SLC44A1: variants seen among roughly 807,000 people sequenced by gnomAD.
SLC44A1 encodes solute carrier family 44 member 1.
Under a neutral mutation model 79.3 loss-of-function variants are expected in SLC44A1, and 26 were observed. The ratio of observed to expected loss-of-function variants is 0.33; its 90% CI spans 0.24 to 0.46. The LOEUF is 0.46. Among genes scored for constraint, SLC44A1 ranks in the 20% least tolerant of loss-of-function variants. The pLI, the probability that SLC44A1 is intolerant of heterozygous loss-of-function variation, is 1.00. For missense variants in SLC44A1, 688 were observed against 798.1 expected (o/e 0.86, Z 1.66); for synonymous variants, 263 against 286.2 (o/e 0.92, Z 0.82).
intron 1 of SLC44A1, among the ~76,000 whole-genome samples, chr9:105,286,375 C>A (rs1830478384): frequency 6.6e-6 from 1 of 152,126 alleles, no homozygotes; most frequent in Admixed American, 6.5e-5. Context: ...GTTTCCTCAT[C>A]AGTAAAATGG....
At chr9:105,333,498 A>T (rs937963716) in intron 3 of SLC44A1, among the ~76,000 whole-genome samples, 4 of 152,128 alleles carry the variant, frequency 2.6e-5, no homozygotes, top group African/African-American at 9.7e-5. Context: ...TATCATTTTT[A>T]AAAGTCTTTA....
intron 15 of SLC44A1, among the ~76,000 whole-genome samples, chr9:105,422,459 T>C (rs535878196): frequency 6.6e-6 from 1 of 152,082 alleles, no homozygotes; most frequent in Admixed American, 6.5e-5. Context: ...TAGCTAATTT[T>C]TGTATTTTTA....
intron 5 of SLC44A1, among the ~76,000 whole-genome samples, chr9:105,351,531 TGAAAGAAA>T (rs752503504): frequency 1.4e-3 from 77 of 55,342 alleles, no homozygotes; most frequent in East Asian, 6.0e-3. Flanking sequence ...AGACCCTGTC[TGAAAGAAA>T]GAAAGAAAGA....
In SLC44A1 at chr9:105,261,884, A is replaced by G. The variant is rs1829849325; in HGVS notation, c.36+16980A>G. 2.0e-5 allele frequency among the ~76,000 whole-genome samples: 3 copies of G among 146,498 alleles called. No homozygotes were observed. In the Admixed American group the frequency reaches 2.1e-4, roughly 10 times the overall value. On this transcript the variant is annotated intron_variant, in intron 1 of 15. Coordinates refer to ENST00000374720, the MANE Select transcript of SLC44A1 (RefSeq NM_080546.5). ...AGCCTCTGCCTCCCAGGTTCAAGTGATTCTCCTATCTCAGCCTCCCAAGTA... is the reference window on the plus strand; with the variant it reads ...AGCCTCTGCCTCCCAGGTTCAAGTGGTTCTCCTATCTCAGCCTCCCAAGTA...
At chr9:105,351,586 AAGAG>A (rs1274235414) in intron 5 of SLC44A1, among the ~76,000 whole-genome samples, 1 of 107,482 alleles carries the variant, frequency 9.3e-6, no homozygotes, top group Non-Finnish European at 1.9e-5. Context: ...GAAAGAGAGA[AAGAG>A]AGAAAGAGAA....
At chr9:105,347,884 A>C (rs1827288591) in intron 4 of SLC44A1, among the ~76,000 whole-genome samples, 1 of 152,112 alleles carries the variant, frequency 6.6e-6, no homozygotes, top group African/African-American at 2.4e-5. Flanking sequence ...TAGGAAAAAC[A>C]GGCATAATGT....
At chr9:105,245,150 C>T (rs994870728) in intron 1 of SLC44A1, among the ~76,000 whole-genome samples, 6 of 151,940 alleles carry the variant, frequency 3.9e-5, no homozygotes, top group African/African-American at 1.2e-4. Flanking sequence ...TCTTCCCGGC[C>T]CCTTCCCCAG....
At position 105,244,752 on chromosome 9, in the gene SLC44A1, G is replaced by A; in HGVS notation, c.-117G>A. ...AGCCGCCGCTGCAGCCGCCGCCGCC[G>A]CCTAGCCGTGCGGTGCCAGGCCGCG... On this transcript the variant is annotated 5_prime_UTR_variant, in exon 1 of 16. Coordinates refer to ENST00000374720, the MANE Select transcript of SLC44A1 (RefSeq NM_080546.5). 2.1e-6 allele frequency: 1 copy of A among 477,716 alleles called. No homozygotes were observed. Among genetic ancestry groups the A allele is most frequent in the South Asian group, 9.6e-5 (1 of 10,452 alleles). The allele number at this position is 477,716 out of a possible 1,614,324, so 29.6% of individuals were successfully genotyped here. A position where few individuals can be genotyped will look rare whatever the true frequency, so the allele number is the denominator to read the frequency against.
intron 1 of SLC44A1, among the ~76,000 whole-genome samples, chr9:105,291,557 G>A (rs1176679759): frequency 6.6e-6 from 1 of 152,156 alleles, no homozygotes; most frequent in Non-Finnish European, 1.5e-5. Context: ...AGACTGTGAT[G>A]TTCAAACAAA....
intron 1 of SLC44A1, among the ~76,000 whole-genome samples, chr9:105,247,824 C>A (rs1015990980): frequency 1.3e-5 from 2 of 152,188 alleles, no homozygotes; most frequent in Non-Finnish European, 2.9e-5. Flanking sequence ...TGAATCTAGA[C>A]CTGACCCATC....
chr9:105,398,490 T>C (rs2297022), downstream of SLC44A1, among the ~76,000 whole-genome samples: 4,624 of 152,264 alleles, frequency 0.03, 176 homozygotes, highest in African/African-American at 0.089. Flanking sequence ...ATTTCTATTA[T>C]ATAGACCACC....
rs935299723 is a variant in SLC44A1, at chr9:105,392,545, G to A, written c.*3489G>A. 13 of 984,576 alleles carry A rather than the reference G, an allele frequency of 1.3e-5. No homozygotes were observed. The African/African-American group carries it at 2.3e-4, about 17-fold the overall frequency. 61.0% of individuals were successfully genotyped at this position (984,576 alleles called of 1,614,324 possible). A position where few individuals can be genotyped will look rare whatever the true frequency, so the allele number is the denominator to read the frequency against. ...GTTTTAGGATTTCACCCTAGTAGGG[G>A]GTATGAGGCACTGACCCCTTTATTC... On this transcript the variant is annotated 3_prime_UTR_variant, in exon 16 of 16. Transcript: ENST00000374720.
intron 15 of SLC44A1, among the ~76,000 whole-genome samples, chr9:105,415,315 CAG>C (rs1829153183): frequency 1.3e-5 from 2 of 152,356 alleles, no homozygotes; most frequent in Non-Finnish European, 2.9e-5. Context: ...GCGTTTAAAA[CAG>C]AAATTACTCA....
chr9:105,309,692 T>C (rs772040367), intron 2 of SLC44A1, 32 bp from the exon 3 acceptor site: 1 of 1,608,996 alleles, frequency 6.2e-7, no homozygotes, highest in South Asian at 1.1e-5. Context: ...TGAAATGGTT[T>C]ATTTGTATGT....
intron 4 of SLC44A1, among the ~76,000 whole-genome samples, chr9:105,344,751 A>C (rs556963048): frequency 1.1e-4 from 16 of 152,284 alleles, no homozygotes; most frequent in Admixed American, 9.8e-4. Flanking sequence ...TCGAGTTCTC[A>C]AAGAGTTTGC....
intron 2 of SLC44A1, among the ~76,000 whole-genome samples, chr9:105,302,595 G>A (rs1830908109): frequency 6.6e-6 from 1 of 151,142 alleles, no homozygotes; most frequent in Non-Finnish European, 1.5e-5. Context: ...CAAGTGATCT[G>A]CATGCCTCGG....
intron 12 of SLC44A1, among the ~76,000 whole-genome samples, chr9:105,367,010 C>T (rs570380034): frequency 1.3e-5 from 2 of 151,772 alleles, no homozygotes; most frequent in South Asian, 4.2e-4. Flanking sequence ...GGAAGTACTA[C>T]TTAATAAGGT....
At chr9:105,356,409 T>G (rs755609847) in intron 6 of SLC44A1, 28 bp downstream of exon 6, 3 of 1,442,194 alleles carry the variant, frequency 2.1e-6, no homozygotes, top group Non-Finnish European at 2.9e-6. Context: ...TATTAGCTAT[T>G]GCATAGTATT....
chr9:105,305,912 A>G (rs915525859), intron 2 of SLC44A1, among the ~76,000 whole-genome samples: 4 of 149,464 alleles, frequency 2.7e-5, no homozygotes, highest in Non-Finnish European at 5.9e-5. Flanking sequence ...CTTAGGTACA[A>G]CTAGACCTTG....
Sources: allele counts gnomAD v4.1 joint callset (sites outside exome capture counted in the v4.1 genomes callset), GRCh38; gene constraint gnomAD v4.1.1; transcripts MANE v1.5; gene names NCBI Gene and HGNC (gene_info 2026-07-23, HGNC 2026-07-21).